The following MCM8 variants were observed in gnomAD, a reference collection of about 807,000 sequenced individuals.
MCM8 encodes the protein minichromosome maintenance 8 homologous recombination repair factor.
A neutral mutation model predicts 98.9 loss-of-function variants in MCM8; 85 were observed. The observed-to-expected ratio is 0.86, with a 90% CI of 0.72 to 1.03. The LOEUF is 1.03. Among genes scored for constraint, MCM8 ranks in the 50% least tolerant of loss-of-function variants. The pLI is 0.00. For missense variants in MCM8, 951 were observed against 997.8 expected, an observed-to-expected ratio of 0.95 and a Z score of 0.63; for synonymous variants, 352 against 338.6, an observed-to-expected ratio of 1.04 and a Z score of -0.44.
Position 5,955,379 on chromosome 20 carries a change from T to C in MCM8, c.486+128T>C, listed in dbSNP as rs1207247742. On this transcript the variant is annotated intron_variant, in intron 5 of 18. Coordinates refer to ENST00000610722, the MANE Select transcript of MCM8 (RefSeq NM_032485.6). ...CTTTCTATAAGAGATACTTAGCTTTTACGAAAAGATGTTGGCTAGAACTGA... is the reference window on the plus strand; with the variant it reads ...CTTTCTATAAGAGATACTTAGCTTTCACGAAAAGATGTTGGCTAGAACTGA... The C allele has an allele frequency of 8.3e-6, 7 of 839,170 alleles. No homozygotes were observed. In the South Asian group the frequency reaches 1.0e-4, roughly 13 times the overall value. The allele number at this position is 839,170 out of a possible 1,614,324, so 52.0% of individuals were successfully genotyped here. A position where few individuals can be genotyped will look rare whatever the true frequency, so the allele number is the denominator to read the frequency against.
rs1453932665 is a variant in MCM8, at chr20:5,967,861, C to G, written c.1059C>G (p.Phe353Leu). ...GAAATAAGAATGACAAGTGTATGTT[C>G]CTTTTGTATATTGAAGCAAATTCTA... ...GSRNKNDKCMFLLYIEANSIS... is the reference protein window; with the variant it reads ...GSRNKNDKCMLLLYIEANSIS... The change falls in exon 10 of 19, where the codon TTC (phenylalanine) becomes TTG (leucine). Residue 353 changes from phenylalanine to leucine, a missense_variant. Phe to Leu is a conservative substitution (Grantham distance 22). Transcript: ENST00000610722. The G allele has an allele frequency of 6.2e-7, 1 of 1,611,856 alleles. No individual in the cohort carries two copies. The highest frequency in any genetic ancestry group is 8.5e-7 in the Non-Finnish European group (1 of 1,178,942).
chr20:5,986,760 A>G (rs1260096032), intron 16 of MCM8, among the ~76,000 whole-genome samples: 1 of 152,246 alleles, frequency 6.6e-6, no homozygotes, highest in African/African-American at 2.4e-5. Context: ...TACGTTAACA[A>G]GTAAAAATGA....
rs1286886161 is a variant in MCM8 at position 5,974,932 on chromosome 20, T to A, written c.1395+1736T>A. Among the ~76,000 whole-genome samples the A allele has an allele frequency of 7.2e-5, 11 of 152,358 alleles. No homozygotes were observed. The South Asian group carries it at 2.3e-3, about 32-fold the overall frequency. On this transcript the variant is annotated intron_variant, in intron 12 of 18. Coordinates refer to ENST00000610722, the MANE Select transcript of MCM8 (RefSeq NM_032485.6). ...TACAATGTAGCCTGACAACAGAGGC[T>A]CAGGGTACCCCTTACAGGTGAAACA... is the stretch of plus-strand genomic sequence containing the variant.
At position 5,966,411 on chromosome 20, in the gene MCM8, TCTC is replaced by T. The variant is rs533738145; in HGVS notation, c.876-1024_876-1022del. ...ATTTCTTTGGCTTTTTCTTATATCT[TCTC>T]TATAAATGCTTGATTTTTATATACA... is the stretch of plus-strand genomic sequence containing the variant. On this transcript the variant is annotated intron_variant, in intron 8 of 18. Coordinates refer to ENST00000610722, the MANE Select transcript of MCM8 (RefSeq NM_032485.6). 3.3e-3 allele frequency among the ~76,000 whole-genome samples: 497 copies of T among 152,290 alleles called. 1 individual carries two copies. The highest frequency in any genetic ancestry group is 5.2e-3 in the Admixed American group (80 of 15,300).
rs1020932769 is a variant in MCM8, at chr20:5,960,836, G to A, written c.789+2110G>A. Among the ~76,000 whole-genome samples, 6 of 152,370 alleles carry A rather than the reference G, an allele frequency of 3.9e-5. No individual in the cohort carries two copies. In the South Asian group the frequency reaches 8.3e-4, roughly 21 times the overall value. Reference sequence around the variant, plus strand: ...TGTAATCCAAGCTACTCGGGAGGCTGAGGCCGGAGAATCGCTTGAACCCAA... The same window carrying A: ...TGTAATCCAAGCTACTCGGGAGGCTAAGGCCGGAGAATCGCTTGAACCCAA... On this transcript the variant is annotated intron_variant, in intron 7 of 18. Transcript: ENST00000610722.
intron 5 of MCM8, 57 bp downstream of exon 5, chr20:5,955,308 A>G: frequency 6.8e-7 from 1 of 1,471,628 alleles, no homozygotes; most frequent in South Asian, 1.2e-5. Flanking sequence ...TTGCACACAC[A>G]TGCACACCTT....
At chr20:5,960,570 A>G (rs1181193919) in intron 7 of MCM8, among the ~76,000 whole-genome samples, 4 of 151,954 alleles carry the variant, frequency 2.6e-5, no homozygotes, top group Admixed American at 2.6e-4. Context: ...TTTGTTGTAC[A>G]GTTTTACATT....
chr20:5,969,593 CAAAAA>C (rs11364488), intron 10 of MCM8, among the ~76,000 whole-genome samples: 1 of 104,692 alleles, frequency 9.6e-6, no homozygotes. Context: ...CTCTGTCTCA[CAAAAA>C]AAAAAAAAAA....
intron 10 of MCM8, among the ~76,000 whole-genome samples, chr20:5,970,004 T>C (rs1568582003): frequency 6.6e-6 from 1 of 152,184 alleles, no homozygotes; most frequent in East Asian, 1.9e-4. Flanking sequence ...GTTTGCTTTT[T>C]CCCCCTCCAT....
intron 4 of MCM8, 41 bp from the exon 5 acceptor site, chr20:5,955,061 C>T (rs746344974): frequency 4.2e-6 from 6 of 1,437,108 alleles, no homozygotes; most frequent in East Asian, 2.3e-5. Flanking sequence ...TAATTGACTA[C>T]AGAAAAGCAA....
intron 13 of MCM8, among the ~76,000 whole-genome samples, chr20:5,981,520 AT>A (rs2089630054): frequency 6.6e-6 from 1 of 152,098 alleles, no homozygotes; most frequent in Admixed American, 6.6e-5. Flanking sequence ...CCCCTCCTAA[AT>A]CATTACGTTA....
At position 5,984,965 on chromosome 20, in the gene MCM8, G is replaced by A. The variant is rs755105283; in HGVS notation, c.1918G>A (p.Val640Ile). ...AGATTCAAATACTTCCGTACTTGAA[G>A]TAGTTTCTGAGAAGCCATTATCAGA... ...SQDSNTSVLEVVSEKPLSERL... is the reference protein window; with the variant it reads ...SQDSNTSVLEIVSEKPLSERL... The change falls in exon 15 of 19, where the codon GTA becomes ATA. Residue 640 changes from valine (V) to isoleucine (I), a missense_variant. Physicochemically the swap from Val to Ile is conservative, Grantham distance 29. Transcript: ENST00000610722. The A allele has an allele frequency of 1.9e-6, 3 of 1,613,984 alleles. No homozygotes were observed. Among genetic ancestry groups the A allele is most frequent in the East Asian group, 4.5e-5 (2 of 44,864 alleles).
rs2089915017 is a variant in MCM8, at chr20:5,994,377, C to G, written c.2509C>G (p.Leu837Val). The part of the protein sequence containing the change: ...LLKKGPKVYQ[L>V]QTM ...GAAAAAAGGCCCAAAAGTTTACCAG[C>G]TTCAAACTATGTAAAAGGACTTCAC... Residue 837 changes from leucine (L) to valine (V), a missense_variant, in exon 19 of 19, where the codon CTT becomes GTT. Leu to Val is a conservative substitution (Grantham distance 32). Coordinates refer to ENST00000610722, the MANE Select transcript of MCM8 (RefSeq NM_032485.6). The G allele has an allele frequency of 6.3e-7, 1 of 1,597,876 alleles. No homozygotes were observed. The highest frequency in any genetic ancestry group is 1.3e-5 in the African/African-American group (1 of 74,280).
chr20:5,986,181 G>A (rs754253941), intron 16 of MCM8, 50 bp downstream of exon 16: 11 of 1,531,668 alleles, frequency 7.2e-6, no homozygotes, highest in Admixed American at 5.1e-5. Context: ...GGGGAAGGGT[G>A]TGCCTTGACT....
At chr20:5,962,164 A>G (rs2089160452) in intron 7 of MCM8, among the ~76,000 whole-genome samples, 1 of 152,106 alleles carries the variant, frequency 6.6e-6, no homozygotes, top group South Asian at 2.1e-4. Flanking sequence ...ATAGCAGCTC[A>G]GGCACTCAGT....
intron 6 of MCM8, 22 bp downstream of exon 6, chr20:5,957,251 A>G (rs1416670218): frequency 2.5e-6 from 4 of 1,571,792 alleles, no homozygotes; most frequent in African/African-American, 2.7e-5. Flanking sequence ...GATGTATTAA[A>G]GTATTACTTA....
Position 5,996,926 on chromosome 20 carries a change from A to G in MCM8, c.*2535A>G, listed in dbSNP as rs565665299. 11 of 152,394 alleles carry G rather than the reference A, an allele frequency of 7.2e-5. No homozygotes were observed. The highest frequency in any genetic ancestry group is 3.9e-4 in the Admixed American group (6 of 15,304). 9.4% of individuals were successfully genotyped at this position (152,394 alleles called of 1,614,324 possible). A position where few individuals can be genotyped will look rare whatever the true frequency, so the allele number is the denominator to read the frequency against. ...CCTGCCCAATAGTGGGTGTCCCCACACCTTTCAACCACTGTAGCAACAAAG... is the reference window on the plus strand; with the variant it reads ...CCTGCCCAATAGTGGGTGTCCCCACGCCTTTCAACCACTGTAGCAACAAAG... On this transcript the variant is annotated 3_prime_UTR_variant, in exon 19 of 19. Coordinates refer to ENST00000610722, the MANE Select transcript of MCM8 (RefSeq NM_032485.6).
At chr20:5,962,390 C>T (rs1157596707) in intron 7 of MCM8, among the ~76,000 whole-genome samples, 1 of 29,216 alleles carries the variant, frequency 3.4e-5, no homozygotes, top group Admixed American at 6.2e-4. Flanking sequence ...TTTTTTGAGA[C>T]GGAGTCTCGC....
intron 13 of MCM8, among the ~76,000 whole-genome samples, chr20:5,979,006 C>G (rs1401009973): frequency 6.6e-6 from 1 of 152,220 alleles, no homozygotes; most frequent in African/African-American, 2.4e-5. Context: ...CTAAGTTTCT[C>G]TTTGTGATGC....
Sources: gnomAD v4.1 joint callset for allele counts (sites outside exome capture counted in the v4.1 genomes callset) on GRCh38, gnomAD v4.1.1 for gene constraint, MANE v1.5 for transcripts, NCBI Gene and HGNC (gene_info 2026-07-23, HGNC 2026-07-21) for gene names.